Variants in SNX7 observed in about 807,000 individuals in gnomAD.
SNX7 encodes the protein sorting nexin 7, also known as sorting nexin-7.
A neutral mutation model predicts 48.4 loss-of-function variants in SNX7; 35 were observed. The observed-to-expected ratio is 0.72, with a 90% CI of 0.55 to 0.96. SNX7 has a LOEUF of 0.96. Ranked by LOEUF, SNX7 falls within the 40% of genes least tolerant of loss-of-function variation. The probability of loss-of-function intolerance (pLI) is 0.00; values close to 1 mark genes in which losing one functional copy is unlikely to be tolerated. For missense variants in SNX7, 553 were observed against 548.9 expected, an observed-to-expected ratio of 1.01 and a Z score of -0.07; for synonymous variants, 190 against 190.2, an observed-to-expected ratio of 1.00 and a Z score of 0.01.
rs1408211443 is a variant in SNX7 at position 98,738,280 on chromosome 1, C to T, written c.1169C>T (p.Ala390Val). The T allele has an allele frequency of 6.2e-7, 1 of 1,613,198 alleles. No individual in the cohort carries two copies. The highest frequency in any genetic ancestry group is 1.3e-5 in the African/African-American group (1 of 74,858). ...AAACTTGAAGATAAAGTGGAATGTGCTAATAATGCCCTGAAAGCAGATTGG... is the reference window on the plus strand; with the variant it reads ...AAACTTGAAGATAAAGTGGAATGTGTTAATAATGCCCTGAAAGCAGATTGG... ...IGKLEDKVEC[A>V]NNALKADWER... Residue 390 changes from alanine (A) to valine (V), a missense_variant, in exon 8 of 9, where the codon GCT (alanine) becomes GTT (valine). Coordinates refer to ENST00000306121, the MANE Select transcript of SNX7 (RefSeq NM_015976.5).
intron 8 of SNX7, among the ~76,000 whole-genome samples, chr1:98,750,829 G>A (rs1411982710): frequency 1.3e-5 from 2 of 152,028 alleles, no homozygotes; most frequent in African/African-American, 4.8e-5. Context: ...AAATTATAAT[G>A]ACAGTTATCT....
intron 7 of SNX7, among the ~76,000 whole-genome samples, chr1:98,709,418 T>C (rs960860504): frequency 6.6e-6 from 1 of 152,156 alleles, no homozygotes; most frequent in Non-Finnish European, 1.5e-5. Context: ...GTTGCATAGA[T>C]ACTTTAAATT....
In SNX7 at chr1:98,755,774, T is replaced by A. The variant is rs1332717556; in HGVS notation, c.1279-4280T>A. The stretch of plus-strand genomic sequence containing the variant: ...CCACCATGCCTGCCCATATATATAT[T>A]TTTTAATCCTTTTAATTTTAACTAT... On this transcript the variant is annotated intron_variant, in intron 8 of 8. Transcript: ENST00000306121. Among the ~76,000 whole-genome samples, 3 of 151,900 alleles carry A rather than the reference T, an allele frequency of 2.0e-5. No homozygotes were observed. The East Asian group carries it at 5.8e-4, about 29-fold the overall frequency.
chr1:98,738,102 G>A, intron 7 of SNX7, 135 bp from the exon 8 acceptor site: 1 of 861,812 alleles, frequency 1.2e-6, no homozygotes, highest in African/African-American at 1.7e-5. Context: ...AGTACACAGA[G>A]TAAATACTGG....
intron 7 of SNX7, 119 bp downstream of exon 7, chr1:98,702,022 T>A: frequency 3.1e-6 from 2 of 655,074 alleles, no homozygotes; most frequent in Non-Finnish European, 5.1e-6. Context: ...TTTCTAAGCA[T>A]TAAGCAAATT....
chr1:98,722,860 A>C (rs1360244123), intron 7 of SNX7, among the ~76,000 whole-genome samples: 1 of 152,192 alleles, frequency 6.6e-6, no homozygotes, highest in Admixed American at 6.5e-5. Flanking sequence ...TGTTGGTGAT[A>C]TATCTTTACG....
intron 7 of SNX7, among the ~76,000 whole-genome samples, chr1:98,726,527 C>A (rs956577573): frequency 6.6e-6 from 1 of 152,168 alleles, no homozygotes; most frequent in Non-Finnish European, 1.5e-5. Context: ...ATAAAGATGT[C>A]ATTCAACTGA....
At chr1:98,680,291 G>A (rs1319044172) in intron 1 of SNX7, among the ~76,000 whole-genome samples, 1 of 152,026 alleles carries the variant, frequency 6.6e-6, no homozygotes, top group Non-Finnish European at 1.5e-5. Context: ...GTCCCTAGGC[G>A]GCACACAGTA....
At chr1:98,681,847 T>C (rs768759077) in intron 1 of SNX7, among the ~76,000 whole-genome samples, 2 of 152,206 alleles carry the variant, frequency 1.3e-5, no homozygotes, top group Non-Finnish European at 2.9e-5. Context: ...ATCGGTACTA[T>C]GGTTAGGTAG....
chr1:98,715,642 C>T (rs1652549543), intron 7 of SNX7, among the ~76,000 whole-genome samples: 1 of 152,162 alleles, frequency 6.6e-6, no homozygotes, highest in African/African-American at 2.4e-5. Context: ...GTGGGACCAT[C>T]TTCAAGCTGG....
intron 8 of SNX7, among the ~76,000 whole-genome samples, chr1:98,749,556 C>T (rs1654482326): frequency 6.6e-6 from 1 of 152,048 alleles, no homozygotes. Context: ...TGAATTTAGA[C>T]TTTTCCAAAA....
intron 8 of SNX7, among the ~76,000 whole-genome samples, chr1:98,742,784 AATT>A (rs2101041634): frequency 6.6e-6 from 1 of 152,056 alleles, no homozygotes; most frequent in African/African-American, 2.4e-5. Context: ...TTTAAGATTA[AATT>A]ATTGTTAGAT....
At chr1:98,730,935 A>G (rs570026553) in intron 7 of SNX7, among the ~76,000 whole-genome samples, 3 of 152,258 alleles carry the variant, frequency 2.0e-5, no homozygotes, top group Admixed American at 2.0e-4. Context: ...GTTCCCACTT[A>G]TAAATGGGAG....
chr1:98,702,843 T>A (rs949899609), intron 7 of SNX7, among the ~76,000 whole-genome samples: 30 of 152,210 alleles, frequency 2.0e-4, no homozygotes, highest in African/African-American at 5.8e-4. Context: ...TTCTTTAAAT[T>A]TAAGGATTTA....
At chr1:98,697,063 C>T (rs1046085252) in intron 5 of SNX7, among the ~76,000 whole-genome samples, 3 of 151,944 alleles carry the variant, frequency 2.0e-5, no homozygotes, top group Non-Finnish European at 4.4e-5. Flanking sequence ...AAATATTGTT[C>T]AGGTTTAATG....
intron 1 of SNX7, among the ~76,000 whole-genome samples, chr1:98,676,522 T>A (rs1650175745): frequency 6.6e-6 from 1 of 152,230 alleles, no homozygotes; most frequent in Admixed American, 6.5e-5. Flanking sequence ...TAGCATATCC[T>A]GTGATAATCT....
At chr1:98,670,797 A>T (rs1036042979) in intron 1 of SNX7, among the ~76,000 whole-genome samples, 1 of 152,208 alleles carries the variant, frequency 6.6e-6, no homozygotes, top group Non-Finnish European at 1.5e-5. Context: ...TGGATGTTGT[A>T]TAAACAAAGA....
At chr1:98,752,264 C>G (rs978863318) in intron 8 of SNX7, among the ~76,000 whole-genome samples, 1 of 151,898 alleles carries the variant, frequency 6.6e-6, no homozygotes, top group African/African-American at 2.4e-5. Context: ...AGGTTTCGTA[C>G]TCAAGAGCAA....
At chr1:98,694,961 G>A (rs542694591) in intron 4 of SNX7, among the ~76,000 whole-genome samples, 5 of 152,072 alleles carry the variant, frequency 3.3e-5, no homozygotes, top group African/African-American at 1.2e-4. Flanking sequence ...ATTTTCTTCT[G>A]TAAAATGAGG....
Sources: allele counts gnomAD v4.1 joint callset (sites outside exome capture counted in the v4.1 genomes callset), GRCh38; gene constraint gnomAD v4.1.1; transcripts MANE v1.5; gene names NCBI Gene and HGNC (gene_info 2026-07-23, HGNC 2026-07-21).